ZFP3: variants seen among roughly 807,000 people sequenced by gnomAD.
The protein encoded by ZFP3 is zinc finger protein 3 homolog.
Under a neutral mutation model 36.7 loss-of-function variants are expected in ZFP3, and 18 were observed. That is an observed-to-expected ratio of 0.49 (90% CI 0.34 to 0.73). The LOEUF (loss-of-function observed/expected upper bound fraction) is 0.73, where lower values mean the gene tolerates loss of function less well. Ranked by LOEUF, ZFP3 falls within the 30% of genes least tolerant of loss-of-function variation. The probability of loss-of-function intolerance (pLI) is 0.01; values close to 1 mark genes in which losing one functional copy is unlikely to be tolerated. For synonymous variants in ZFP3, 218 were observed against 199.0 expected (o/e 1.10, Z -0.81); for missense variants, 495 against 599.0 (o/e 0.83, Z 1.81).
At chr17:5,083,354 T>C (rs2072103717) in intron 1 of ZFP3, among the ~76,000 whole-genome samples, 1 of 152,068 alleles carries the variant, frequency 6.6e-6, no homozygotes, top group South Asian at 2.1e-4. Flanking sequence ...GGTCAGGAGT[T>C]GGAGACCAGC....
At chr17:5,080,365 TG>T (rs2072087132) in intron 1 of ZFP3, among the ~76,000 whole-genome samples, 1 of 152,194 alleles carries the variant, frequency 6.6e-6, no homozygotes, top group South Asian at 2.1e-4. Context: ...TTTATTTGAC[TG>T]GGTTAACTCA....
chr17:5,086,554 G>A (rs1020716834), intron 1 of ZFP3, among the ~76,000 whole-genome samples: 2 of 150,166 alleles, frequency 1.3e-5, no homozygotes, highest in Non-Finnish European at 2.9e-5. Flanking sequence ...TTGCTCTATA[G>A]CACTGTCCGT....
chr17:5,084,708 G>C (rs1200652931), intron 1 of ZFP3, among the ~76,000 whole-genome samples: 1 of 152,206 alleles, frequency 6.6e-6, no homozygotes, highest in South Asian at 2.1e-4. Flanking sequence ...CTGAGGACCA[G>C]TGGTCAACCT....
At position 5,091,949 on chromosome 17, in the gene ZFP3, G is replaced by A. The variant is rs777297659; in HGVS notation, c.445G>A (p.Ala149Thr). The A allele has an allele frequency of 3.0e-5, 48 of 1,614,144 alleles. No homozygotes were observed. The highest frequency in any genetic ancestry group is 4.0e-5 in the Non-Finnish European group (47 of 1,179,998). ...TCATACATGTAAAGAATGTGGGAAA[G>A]CCTTTAATCAGAACTCACATCTCAT... ...KPHTCKECGK[A>T]FNQNSHLIQH... is the part of the protein sequence containing the mutation. The change falls in exon 2 of 2, where the codon GCC (alanine) becomes ACC (threonine). Residue 149 changes from alanine to threonine, a missense_variant. Transcript: ENST00000318833.
In ZFP3 at chr17:5,092,977, C is replaced by G. The variant is rs753856438; in HGVS notation, c.1473C>G (p.His491Gln). ...AGAAGACTTTTAGTCGGAGCTCTCA[C>G]CTCCTCCGACATCAAAGTGTTCACT... is the stretch of plus-strand genomic sequence containing the variant. ...ECQKTFSRSSHLLRHQSVHCM... is the reference protein window; with the variant it reads ...ECQKTFSRSSQLLRHQSVHCM... Residue 491 changes from histidine (H) to glutamine (Q), a missense_variant, in exon 2 of 2, where the codon CAC becomes CAG. His to Gln is a conservative substitution (Grantham distance 24). Around this residue, in one of 3 missense-constraint regions of ZFP3, gnomAD observed 163 missense variants for 178.4 expected, o/e 0.91. Transcript: ENST00000318833. This position sits in a 1 kb window ranked among gnomAD's most constrained non-coding sequence, Gnocchi z 5.0. 1 of 1,608,676 alleles carries G rather than the reference C, an allele frequency of 6.2e-7. No homozygotes were observed. Among genetic ancestry groups the G allele is most frequent in the Non-Finnish European group, 8.5e-7 (1 of 1,177,468 alleles).
At position 5,093,106 on chromosome 17, in the gene ZFP3, C is replaced by A; in HGVS notation, c.*93C>A. 7.6e-7 allele frequency: 1 copy of A among 1,308,920 alleles called. No homozygotes were observed. Among genetic ancestry groups the A allele is most frequent in the Non-Finnish European group, 1.0e-6 (1 of 963,254 alleles). The allele number at this position is 1,308,920 out of a possible 1,614,324, so 81.1% of individuals were successfully genotyped here. On this transcript the variant is annotated 3_prime_UTR_variant, in exon 2 of 2. Transcript: ENST00000318833. ...AAATATGCACCCCAAGTATTCAAAT[C>A]CAATGAATGGACAGAACCTCCTCTG...
Position 5,093,174 on chromosome 17 carries a change from ACTT to A in ZFP3, c.*162_*164del. On this transcript the variant is annotated 3_prime_UTR_variant, in exon 2 of 2. Transcript: ENST00000318833. Reference sequence around the variant, plus strand: ...AATAGTTGGTTGAAGAAGATGAGGCACTTTTTTTTTTTTTTTTTTAAGCATTGG... The same window carrying A: ...AATAGTTGGTTGAAGAAGATGAGGCATTTTTTTTTTTTTTTTAAGCATTGG... The A allele has an allele frequency of 3.6e-6, 2 of 552,656 alleles. No individual in the cohort carries two copies. Among genetic ancestry groups the A allele is most frequent in the Non-Finnish European group, 5.3e-6 (2 of 379,644 alleles). 34.2% of individuals were successfully genotyped at this position (552,656 alleles called of 1,614,324 possible). A position where few individuals can be genotyped will look rare whatever the true frequency, so the allele number is the denominator to read the frequency against.
intron 1 of ZFP3, 94 bp from the exon 2 acceptor site, chr17:5,091,403 C>G (rs2072148761): frequency 7.6e-7 from 1 of 1,309,078 alleles, no homozygotes; most frequent in Middle Eastern, 2.1e-4. Context: ...TTTCTGAGTG[C>G]TATGAGAACT....
intron 1 of ZFP3, among the ~76,000 whole-genome samples, chr17:5,087,056 A>G (rs2072125340): frequency 7.0e-6 from 1 of 142,228 alleles, no homozygotes; most frequent in Admixed American, 7.1e-5. Flanking sequence ...TTCTTATCCT[A>G]GCGAATCTCA....
intron 1 of ZFP3, among the ~76,000 whole-genome samples, chr17:5,079,533 A>G (rs995975476): frequency 2.0e-5 from 3 of 152,214 alleles, no homozygotes; most frequent in Admixed American, 2.0e-4. Flanking sequence ...TTGCAGATTC[A>G]TTATATATAT....
Position 5,092,499 on chromosome 17 carries a change from CAG to C in ZFP3, c.996_997del (p.Asp334GlnfsTer4). The C allele has an allele frequency of 6.2e-7, 1 of 1,614,156 alleles. No homozygotes were observed. Among genetic ancestry groups the C allele is most frequent in the Non-Finnish European group, 8.5e-7 (1 of 1,180,030 alleles). On this transcript the variant is annotated frameshift_variant, in exon 2 of 2. Transcript: ENST00000318833. LOFTEE classifies it high-confidence loss of function. This position sits in a 1 kb window ranked among gnomAD's most constrained non-coding sequence, Gnocchi z 5.0. Reference sequence around the variant, plus strand: ...CTTATCCGGCATCAGAGAATTCATACAGGGGACAAACCCTATGAATGTAATGA... The same window carrying C: ...CTTATCCGGCATCAGAGAATTCATACGGGACAAACCCTATGAATGTAATGA...
chr17:5,087,344 C>T (rs1171363053), intron 1 of ZFP3, among the ~76,000 whole-genome samples: 1 of 152,172 alleles, frequency 6.6e-6, no homozygotes, highest in Non-Finnish European at 1.5e-5. Context: ...TCCCAAAGTG[C>T]TGGCATTAAA....
intron 1 of ZFP3, among the ~76,000 whole-genome samples, chr17:5,088,955 T>G (rs934393941): frequency 9.9e-5 from 15 of 152,184 alleles, no homozygotes; most frequent in Admixed American, 8.5e-4. Flanking sequence ...GAGGATTGTA[T>G]TCCTCAGATT....
chr17:5,095,217 C>A lies in ZFP3; in HGVS notation c.*2204C>A, dbSNP rs2072174276. On this transcript the variant is annotated 3_prime_UTR_variant, in exon 2 of 2. Coordinates refer to ENST00000318833, the MANE Select transcript of ZFP3 (RefSeq NM_153018.3). ...ATAGGTGTCTTCCCAGGTTTATATC[C>A]TTGGCTTGAGAAAAGGGTTGTACAA... 1 of 167,060 alleles carries A rather than the reference C, an allele frequency of 6.0e-6. No homozygotes were observed. The highest frequency in any genetic ancestry group is 1.9e-4 in the East Asian group (1 of 5,198). 10.3% of individuals were successfully genotyped at this position (167,060 alleles called of 1,614,324 possible).
chr17:5,084,009 A>G (rs1477983112), intron 1 of ZFP3, among the ~76,000 whole-genome samples: 1 of 150,996 alleles, frequency 6.6e-6, no homozygotes, highest in Non-Finnish European at 1.5e-5. Flanking sequence ...TGGGATTATA[A>G]GCACCCACCA....
chr17:5,082,052 A>G (rs1302697315), intron 1 of ZFP3, among the ~76,000 whole-genome samples: 5 of 151,564 alleles, frequency 3.3e-5, no homozygotes, highest in Non-Finnish European at 7.4e-5. Context: ...CCTCTACTAA[A>G]AATACAAAAA....
At position 5,093,130 on chromosome 17, in the gene ZFP3, T is replaced by G; in HGVS notation, c.*117T>G. ...TCCAATGAATGGACAGAACCTCCTC[T>G]GTCCTCCCACTGATTTTAAATAGTT... On this transcript the variant is annotated 3_prime_UTR_variant, in exon 2 of 2. Coordinates refer to ENST00000318833, the MANE Select transcript of ZFP3 (RefSeq NM_153018.3). The G allele has an allele frequency of 9.0e-7, 1 of 1,116,820 alleles. No homozygotes were observed. The highest frequency in any genetic ancestry group is 1.2e-6 in the Non-Finnish European group (1 of 804,624). 69.2% of individuals were successfully genotyped at this position (1,116,820 alleles called of 1,614,324 possible). A position where few individuals can be genotyped will look rare whatever the true frequency, so the allele number is the denominator to read the frequency against.
In ZFP3 at chr17:5,078,495, A is replaced by G. The variant is rs900116014; in HGVS notation, c.-89A>G. ...GCCCGTCGCCAGTGACACCGGGACA[A>G]CAGCTGCGGGCTCTGTGCGAGCGGC... On this transcript the variant is annotated 5_prime_UTR_variant, in exon 1 of 2. Coordinates refer to ENST00000318833, the MANE Select transcript of ZFP3 (RefSeq NM_153018.3). The surrounding 1 kb of genome is among the most constrained non-coding windows in gnomAD (Gnocchi z 4.5). 6.6e-6 allele frequency: 1 copy of G among 152,316 alleles called. No individual in the cohort carries two copies. Among genetic ancestry groups the G allele is most frequent in the Non-Finnish European group, 1.5e-5 (1 of 68,108 alleles). The allele number at this position is 152,316 out of a possible 1,614,324, so 9.4% of individuals were successfully genotyped here. A position where few individuals can be genotyped will look rare whatever the true frequency, so the allele number is the denominator to read the frequency against.
chr17:5,084,307 G>A (rs1403780447), intron 1 of ZFP3, among the ~76,000 whole-genome samples: 1 of 91,734 alleles, frequency 1.1e-5, no homozygotes, highest in Admixed American at 1.9e-4. Flanking sequence ...ACGGAGTCTC[G>A]CTCTGTCGCC....
Sources: allele counts gnomAD v4.1 joint callset (sites outside exome capture counted in the v4.1 genomes callset), GRCh38; gene constraint gnomAD v4.1.1; regional missense constraint gnomAD v4.1.1; non-coding constraint Gnocchi (gnomAD v3.1); transcripts MANE v1.5; gene names NCBI Gene and HGNC (gene_info 2026-07-23, HGNC 2026-07-21).